The following LPAR1 variants were observed in gnomAD, a reference collection of about 807,000 sequenced individuals.
LPAR1 encodes lysophosphatidic acid receptor 1.
LPAR1 carries 5 observed loss-of-function variants against 23.8 expected under a neutral mutation model. The observed-to-expected ratio is 0.21, with a 90% confidence interval of 0.11 to 0.44. The LOEUF is 0.44. Among genes scored for constraint, LPAR1 ranks in the 20% least tolerant of loss-of-function variants. The probability of loss-of-function intolerance (pLI) is 0.99; values close to 1 mark genes in which losing one functional copy is unlikely to be tolerated. For missense variants in LPAR1, 311 were observed against 482.8 expected (o/e 0.64, Z 3.33); for synonymous variants, 160 against 164.7 (o/e 0.97, Z 0.22).
intron 2 of LPAR1, among the ~76,000 whole-genome samples, chr9:110,980,578 C>T (rs1434233462): frequency 4.6e-5 from 7 of 151,406 alleles, no homozygotes; most frequent in Admixed American, 4.0e-4. Flanking sequence ...AAAGTTGATC[C>T]CACAGAAGTA....
chr9:110,892,822 AAGGAAGGCAGGC>A lies in LPAR1; in HGVS notation c.794-17112_794-17101del, dbSNP rs1240589950. Among the ~76,000 whole-genome samples, 688 of 85,872 alleles carry A rather than the reference AAGGAAGGCAGGC, an allele frequency of 8.0e-3. 2 individuals carry two copies. Among genetic ancestry groups the A allele is most frequent in the African/African-American group, 0.02 (330 of 16,866 alleles). 56.3% of individuals were successfully genotyped at this position (85,872 alleles called of 152,430 possible). On this transcript the variant is annotated intron_variant, in intron 5 of 5. Transcript: ENST00000683809. ...GAAGGAAGGAAGGAAGGAAGGAAGG[AAGGAAGGCAGGC>A]AGGCAGGCAGGCAGGCAGGCAGGCA...
intron 1 of LPAR1, among the ~76,000 whole-genome samples, chr9:111,037,684 C>G (rs2097918375): frequency 2.0e-5 from 3 of 152,200 alleles, no homozygotes. Context: ...GGTGCGGAGC[C>G]CCAGGGGCGC....
At chr9:110,904,769 C>A (rs1046846614) in intron 5 of LPAR1, among the ~76,000 whole-genome samples, 1 of 152,160 alleles carries the variant, frequency 6.6e-6, no homozygotes, top group African/African-American at 2.4e-5. Flanking sequence ...CTGGACCACA[C>A]CCAGTGATAA....
chr9:110,943,785 G>T (rs971316399), intron 4 of LPAR1, among the ~76,000 whole-genome samples: 5 of 151,346 alleles, frequency 3.3e-5, no homozygotes, highest in African/African-American at 1.2e-4. Context: ...GCTTGAACCC[G>T]GGAGGTGGAG....
Position 110,875,693 on chromosome 9 carries a change from A to G in LPAR1, c.823T>C (p.Leu275=), listed in dbSNP as rs1317687580. The G allele has an allele frequency of 1.2e-6, 2 of 1,607,376 alleles. No homozygotes were observed. Among genetic ancestry groups the G allele is most frequent in the Admixed American group, 1.7e-5 (1 of 59,760 alleles). Residue 275 remains leucine (L), a synonymous_variant, in exon 6 of 6, where the codon TTG becomes CTG. Transcript: ENST00000683809. The stretch of plus-strand genomic sequence containing the variant: ...CACACGTCTAGAAGTAACAAAACCA[A>G]TCCAGGAGTCCAGCAGATGATAAAG... ...GAFIICWTPG[L]VLLLLDVCCP...
chr9:110,967,382 T>G (rs1192680359), intron 4 of LPAR1, among the ~76,000 whole-genome samples: 1 of 152,234 alleles, frequency 6.6e-6, no homozygotes, highest in Non-Finnish European at 1.5e-5. Context: ...TCTTCCCTAT[T>G]ATTGTTTGAA....
chr9:110,875,780 A>G (rs2078955315), intron 5 of LPAR1, 58 bp from the exon 6 acceptor site: 1 of 954,020 alleles, frequency 1.0e-6, no homozygotes, highest in Non-Finnish European at 1.5e-6. Context: ...AAAAAATATT[A>G]TAAAACATGC....
At chr9:111,003,780 T>C (rs1456955435) in intron 2 of LPAR1, among the ~76,000 whole-genome samples, 1 of 152,140 alleles carries the variant, frequency 6.6e-6, no homozygotes, top group Non-Finnish European at 1.5e-5. Flanking sequence ...GGGGAGATGG[T>C]GCAGCCACAT....
intron 5 of LPAR1, among the ~76,000 whole-genome samples, chr9:110,907,833 T>C (rs1382094404): frequency 6.6e-6 from 1 of 152,048 alleles, no homozygotes; most frequent in Non-Finnish European, 1.5e-5. Context: ...GATGGCTTAC[T>C]ATTCAAAGAA....
At chr9:111,022,272 C>G (rs928420742) in intron 2 of LPAR1, among the ~76,000 whole-genome samples, 1 of 152,114 alleles carries the variant, frequency 6.6e-6, no homozygotes, top group Non-Finnish European at 1.5e-5. Flanking sequence ...TTCTTGCAAA[C>G]TGATTTCAAG....
At chr9:110,916,350 G>A (rs1351367049) in intron 5 of LPAR1, among the ~76,000 whole-genome samples, 1 of 152,088 alleles carries the variant, frequency 6.6e-6, no homozygotes, top group East Asian at 1.9e-4. Context: ...AGAGGCCTTT[G>A]TTCTTAGCCA....
intron 5 of LPAR1, among the ~76,000 whole-genome samples, chr9:110,933,310 T>C (rs1469569504): frequency 6.6e-6 from 1 of 152,136 alleles, no homozygotes; most frequent in Non-Finnish European, 1.5e-5. Context: ...TGAATGGATG[T>C]GGGTGTGTCA....
intron 2 of LPAR1, among the ~76,000 whole-genome samples, chr9:110,977,822 G>GGAA (rs1564227659): frequency 3.2e-5 from 1 of 31,698 alleles, no homozygotes; most frequent in East Asian, 5.1e-4. Flanking sequence ...GAGGGAGGGC[G>GGAA]GGAGGGAGGG....
chr9:111,003,039 T>G (rs899541469), intron 2 of LPAR1, among the ~76,000 whole-genome samples: 1 of 152,126 alleles, frequency 6.6e-6, no homozygotes. Flanking sequence ...TATACCCAGA[T>G]GAGAAATTCT....
intron 5 of LPAR1, among the ~76,000 whole-genome samples, chr9:110,894,664 C>A: frequency 6.6e-6 from 1 of 152,108 alleles, no homozygotes. Context: ...CTGAAGTAAC[C>A]CATCAGCATT....
chr9:110,889,301 T>C (rs2083365894), intron 5 of LPAR1, among the ~76,000 whole-genome samples: 1 of 152,094 alleles, frequency 6.6e-6, no homozygotes, highest in Admixed American at 6.5e-5. Flanking sequence ...GAGCTTGCAG[T>C]GAGCCGAGAT....
At chr9:110,977,746 T>C (rs1268961281) in intron 2 of LPAR1, among the ~76,000 whole-genome samples, 1 of 148,676 alleles carries the variant, frequency 6.7e-6, no homozygotes. Context: ...GTTCTGCACA[T>C]GTATCCCGGA....
intron 5 of LPAR1, among the ~76,000 whole-genome samples, chr9:110,927,122 G>GT (rs1162592659): frequency 6.6e-6 from 1 of 152,210 alleles, no homozygotes; most frequent in Non-Finnish European, 1.5e-5. Context: ...TGTCGTAAAG[G>GT]TTAAGTGGAT....
intron 4 of LPAR1, among the ~76,000 whole-genome samples, chr9:110,969,371 G>A (rs1302699312): frequency 1.3e-5 from 2 of 151,842 alleles, no homozygotes; most frequent in East Asian, 1.9e-4. Context: ...TCCTCCATAC[G>A]ATATCTTGGA....
Sources: gnomAD v4.1 joint callset for allele counts (sites outside exome capture counted in the v4.1 genomes callset) on GRCh38, gnomAD v4.1.1 for gene constraint, MANE v1.5 for transcripts, NCBI Gene and HGNC (gene_info 2026-07-23, HGNC 2026-07-21) for gene names.